Variants in SYN3 observed in about 807,000 individuals in gnomAD.
SYN3 encodes the protein synapsin III.
A neutral mutation model predicts 65.8 loss-of-function variants in SYN3; 35 were observed. The observed-to-expected ratio is 0.53, with a 90% confidence interval of 0.41 to 0.70. The LOEUF (loss-of-function observed/expected upper bound fraction) is 0.70. SYN3 is among the 30% of genes least tolerant of loss of function. The pLI is 0.00. For synonymous variants in SYN3, 270 were observed against 292.9 expected (o/e 0.92, Z 0.80); for missense variants, 680 against 749.0 (o/e 0.91, Z 1.08).
At chr22:33,043,997 G>A (rs779660215) in intron 1 of SYN3, among the ~76,000 whole-genome samples, 2 of 151,864 alleles carry the variant, frequency 1.3e-5, no homozygotes, top group Non-Finnish European at 2.9e-5. Context: ...AGGTTGCAGT[G>A]AGCCGAGATT....
In SYN3 at chr22:32,632,395, C is replaced by T. The variant is rs76050467; in HGVS notation, c.712-35659G>A. ...CTTGTATGGGATCTTGGGCAAATTA[C>T]TTCCTCTTCAGGGTCTCAGTGGCTG... On this transcript the variant is annotated intron_variant, in intron 6 of 13. Transcript: ENST00000358763. Among the ~76,000 whole-genome samples the T allele has an allele frequency of 1.6e-3, 237 of 150,926 alleles. 3 individuals carry two copies. In the East Asian group the frequency reaches 0.039, roughly 25 times the overall value.
At chr22:32,755,873 A>G (rs1218460524) in intron 6 of SYN3, among the ~76,000 whole-genome samples, 1 of 152,156 alleles carries the variant, frequency 6.6e-6, no homozygotes, top group Non-Finnish European at 1.5e-5. Context: ...CATATGCACC[A>G]TGGAATACTA....
intron 6 of SYN3, among the ~76,000 whole-genome samples, chr22:32,608,999 G>A (rs1171055879): frequency 2.6e-5 from 4 of 151,440 alleles, no homozygotes; most frequent in Admixed American, 6.6e-5. Context: ...ACTATTTATT[G>A]TAAAAATATC....
At chr22:32,999,087 G>A (rs912954264) in intron 2 of SYN3, among the ~76,000 whole-genome samples, 2 of 152,132 alleles carry the variant, frequency 1.3e-5, no homozygotes, top group Non-Finnish European at 2.9e-5. Flanking sequence ...TAAGAGACAG[G>A]CCTTGTTCTT....
chr22:32,915,108 G>A (rs1427282102), intron 4 of SYN3, among the ~76,000 whole-genome samples: 1 of 152,088 alleles, frequency 6.6e-6, no homozygotes, highest in African/African-American at 2.4e-5. Context: ...AACATCACAC[G>A]CTGAGGCCTG....
chr22:32,952,661 G>A (rs1165419647), intron 3 of SYN3, among the ~76,000 whole-genome samples: 3 of 152,046 alleles, frequency 2.0e-5, no homozygotes, highest in South Asian at 2.1e-4. Flanking sequence ...GACTCGAAGC[G>A]GAAGGCTCAC....
At chr22:32,611,756 G>A (rs1358236863) in intron 6 of SYN3, among the ~76,000 whole-genome samples, 4 of 152,154 alleles carry the variant, frequency 2.6e-5, no homozygotes, top group Non-Finnish European at 5.9e-5. Flanking sequence ...TGTGCTTCCA[G>A]TTCCTGAGAC....
At chr22:32,598,507 A>G (rs1569077203) in intron 6 of SYN3, among the ~76,000 whole-genome samples, 1 of 151,930 alleles carries the variant, frequency 6.6e-6, no homozygotes, top group African/African-American at 2.4e-5. Flanking sequence ...TTTTTTTGAG[A>G]CAGAGTCTCA....
intron 6 of SYN3, among the ~76,000 whole-genome samples, chr22:32,706,959 G>A (rs1046385505): frequency 2.6e-5 from 4 of 152,054 alleles, no homozygotes; most frequent in African/African-American, 9.7e-5. Context: ...CCCTCCCCAA[G>A]AGACCATCTT....
chr22:32,647,804 C>T (rs890074607), intron 6 of SYN3, among the ~76,000 whole-genome samples: 2 of 152,022 alleles, frequency 1.3e-5, no homozygotes, highest in Non-Finnish European at 2.9e-5. Flanking sequence ...AGACAGGGTT[C>T]CATCATATTG....
chr22:33,031,197 A>C (rs2053749891), intron 1 of SYN3, among the ~76,000 whole-genome samples: 1 of 152,172 alleles, frequency 6.6e-6, no homozygotes, highest in Admixed American at 6.5e-5. Context: ...TCCCTCTGGA[A>C]AGCAGAGAAA....
chr22:32,810,524 C>T (rs1325355017), intron 6 of SYN3, among the ~76,000 whole-genome samples: 6 of 130,274 alleles, frequency 4.6e-5, no homozygotes, highest in African/African-American at 9.3e-5. Context: ...GATGATTGGG[C>T]GGGGGGTGGG....
chr22:32,644,072 T>G (rs2059946284), intron 6 of SYN3, among the ~76,000 whole-genome samples: 1 of 9,172 alleles, frequency 1.1e-4, no homozygotes, highest in Non-Finnish European at 1.7e-4. Context: ...AGACTCTGCC[T>G]CAAAAAAAAA....
chr22:32,701,624 A>T (rs527576338), intron 6 of SYN3, among the ~76,000 whole-genome samples: 2 of 152,362 alleles, frequency 1.3e-5, no homozygotes, highest in Admixed American at 6.5e-5. Flanking sequence ...GAGATAAAAC[A>T]TATAATATCT....
intron 6 of SYN3, among the ~76,000 whole-genome samples, chr22:32,714,374 ACC>A (rs1226634562): frequency 6.6e-6 from 1 of 151,992 alleles, no homozygotes; most frequent in Non-Finnish European, 1.5e-5. Flanking sequence ...GTCTCTAAGG[ACC>A]CTTTCATAAC....
intron 6 of SYN3, among the ~76,000 whole-genome samples, chr22:32,760,561 C>T (rs915099520): frequency 5.3e-5 from 8 of 152,072 alleles, no homozygotes; most frequent in African/African-American, 1.7e-4. Flanking sequence ...GGGAGGTTGA[C>T]AGAAGGCACA....
intron 6 of SYN3, among the ~76,000 whole-genome samples, chr22:32,750,487 C>G (rs377260209): frequency 1.3e-5 from 2 of 152,158 alleles, no homozygotes; most frequent in Non-Finnish European, 2.9e-5. Context: ...TGAGAAATAA[C>G]GGTGGTGTAC....
At chr22:32,628,383 A>G (rs1386212698) in intron 6 of SYN3, among the ~76,000 whole-genome samples, 1 of 152,150 alleles carries the variant, frequency 6.6e-6, no homozygotes, top group Non-Finnish European at 1.5e-5. Flanking sequence ...AGGGGAGATG[A>G]GGAGGAAGAG....
chr22:32,860,383 A>T (rs901235669), intron 6 of SYN3: 5 of 152,664 alleles, frequency 3.3e-5, no homozygotes, highest in African/African-American at 1.2e-4. Context: ...GTTTGTATAC[A>T]CATTTGCATA....
Sources: gnomAD v4.1 joint callset for allele counts (sites outside exome capture counted in the v4.1 genomes callset) on GRCh38, gnomAD v4.1.1 for gene constraint, MANE v1.5 for transcripts, NCBI Gene and HGNC (gene_info 2026-07-23, HGNC 2026-07-21) for gene names.